LMOD1: variants seen among roughly 807,000 people sequenced by gnomAD.
The protein encoded by LMOD1 is leiomodin 1, also known as leiomodin-1.
LMOD1 carries 8 observed loss-of-function variants against 36.5 expected under a neutral mutation model. The observed-to-expected ratio is 0.22, with a 90% CI of 0.13 to 0.40. The LOEUF (loss-of-function observed/expected upper bound fraction) is 0.40, where lower values mean the gene tolerates loss of function less well. LMOD1 is among the 10% of genes least tolerant of loss of function. The pLI, the probability that LMOD1 is intolerant of heterozygous loss-of-function variation, is 1.00. For missense variants in LMOD1, 630 were observed against 751.1 expected, an observed-to-expected ratio of 0.84 and a Z score of 1.88; for synonymous variants, 284 against 288.7, an observed-to-expected ratio of 0.98 and a Z score of 0.17.
intron 1 of LMOD1, among the ~76,000 whole-genome samples, chr1:201,936,472 C>G (rs562789752): frequency 1.3e-5 from 2 of 152,124 alleles, no homozygotes; most frequent in Admixed American, 6.5e-5. Context: ...TCCAAGGCCT[C>G]GTCTCCTCCA....
At chr1:201,942,191 CAACA>C (rs1682128546) in intron 1 of LMOD1, among the ~76,000 whole-genome samples, 1 of 152,194 alleles carries the variant, frequency 6.6e-6, no homozygotes, top group South Asian at 2.1e-4. Flanking sequence ...AACATTCACT[CAACA>C]AACAGAGGCT....
chr1:201,916,485 A>T (rs1681613849), intron 1 of LMOD1, among the ~76,000 whole-genome samples: 1 of 152,046 alleles, frequency 6.6e-6, no homozygotes, highest in South Asian at 2.1e-4. Flanking sequence ...ACTGCACTCC[A>T]GCCTGAGCAA....
intron 1 of LMOD1, among the ~76,000 whole-genome samples, chr1:201,941,075 T>C (rs1558244539): frequency 1.3e-5 from 2 of 151,032 alleles, no homozygotes; most frequent in Non-Finnish European, 2.9e-5. Flanking sequence ...TTAGTAGAGA[T>C]GGGGTTTCCC....
chr1:201,912,386 C>T (rs887780968), intron 1 of LMOD1, among the ~76,000 whole-genome samples: 2 of 152,130 alleles, frequency 1.3e-5, no homozygotes, highest in Non-Finnish European at 2.9e-5. Flanking sequence ...TCTCCTCCCC[C>T]TCCCCCACAG....
At position 201,900,040 on chromosome 1, in the gene LMOD1, C is replaced by A. The variant is rs780925946; in HGVS notation, c.973G>T (p.Val325Leu). The part of the protein sequence containing the change: ...PSIFDEPLER[V>L]KNNDPEMTEV... ...GTCATCTCGGGGTCATTGTTCTTCA[C>A]TCTCTCCAGAGGCTCATCAAATATG... The change falls in exon 2 of 3, where the codon GTG becomes TTG. Residue 325 changes from valine (V) to leucine (L), a missense_variant. Physicochemically the swap from Val to Leu is conservative, Grantham distance 32. Transcript: ENST00000367288. 4.3e-6 allele frequency: 7 copies of A among 1,613,800 alleles called. No individual in the cohort carries two copies. Among genetic ancestry groups the A allele is most frequent in the Admixed American group, 1.7e-5 (1 of 60,006 alleles).
chr1:201,940,255 C>A (rs1199003286), intron 1 of LMOD1, among the ~76,000 whole-genome samples: 1 of 146,984 alleles, frequency 6.8e-6, no homozygotes, highest in Admixed American at 7.0e-5. Flanking sequence ...GGCACGATCT[C>A]GGCTCACTGC....
chr1:201,930,511 A>C (rs1000184121), intron 1 of LMOD1, among the ~76,000 whole-genome samples: 4 of 152,152 alleles, frequency 2.6e-5, no homozygotes, highest in African/African-American at 9.7e-5. Context: ...TGGTACTTCT[A>C]TTCATCAAAG....
intron 1 of LMOD1, among the ~76,000 whole-genome samples, chr1:201,927,023 A>G (rs1445919676): frequency 6.6e-6 from 1 of 152,178 alleles, no homozygotes; most frequent in African/African-American, 2.4e-5. Flanking sequence ...ATTATTGGCT[A>G]TTTTCCTTTT....
At chr1:201,928,209 A>C (rs994284980) in intron 1 of LMOD1, among the ~76,000 whole-genome samples, 1 of 152,240 alleles carries the variant, frequency 6.6e-6, no homozygotes, top group Admixed American at 6.5e-5. Context: ...CACAGTCTGT[A>C]GTATTTTTTT....
At chr1:201,940,045 C>T (rs1682086995) in intron 1 of LMOD1, among the ~76,000 whole-genome samples, 1 of 152,162 alleles carries the variant, frequency 6.6e-6, no homozygotes, top group Admixed American at 6.5e-5. Flanking sequence ...GCAACCTCCC[C>T]TTGGTTAGTG....
At chr1:201,898,511 T>C (rs1430664990) in intron 2 of LMOD1, 113 bp from the exon 3 acceptor site, 1 of 923,300 alleles carries the variant, frequency 1.1e-6, no homozygotes, top group African/African-American at 1.7e-5. Flanking sequence ...GGAATGTGAA[T>C]GAGGTGTTGA....
At position 201,899,383 on chromosome 1, in the gene LMOD1, G is replaced by A; in HGVS notation, c.1630C>T (p.Pro544Ser). The A allele has an allele frequency of 2.5e-6, 4 of 1,610,862 alleles. No homozygotes were observed. Among genetic ancestry groups the A allele is most frequent in the Non-Finnish European group, 3.4e-6 (4 of 1,177,652 alleles). ...PPPPPPPLAP[P>S]LIMENLKNSL... ...TTCTTCAGGTTCTCCATGATAAGGG[G>A]TGGAGCCAAGGGAGGGGGAGGGGGT... is the stretch of plus-strand genomic sequence containing the variant. Residue 544 changes from proline (P) to serine (S), a missense_variant, in exon 2 of 3, where the codon CCC (proline) becomes TCC (serine). Around this residue, in one of 3 missense-constraint regions of LMOD1, gnomAD observed 144 missense variants for 169.8 expected, o/e 0.85. Transcript: ENST00000367288. The surrounding 1 kb of genome is among the most constrained non-coding windows in gnomAD (Gnocchi z 6.3).
chr1:201,908,605 G>C (rs761229323), intron 1 of LMOD1, among the ~76,000 whole-genome samples: 1 of 152,040 alleles, frequency 6.6e-6, no homozygotes, highest in East Asian at 1.9e-4. Context: ...ATGTTGTGGG[G>C]GTGCTACAGG....
At position 201,900,331 on chromosome 1, in the gene LMOD1, T is replaced by A; in HGVS notation, c.682A>T (p.Arg228Trp). The A allele has an allele frequency of 1.3e-6, 2 of 1,586,414 alleles. No homozygotes were observed. Among genetic ancestry groups the A allele is most frequent in the Non-Finnish European group, 1.7e-6 (2 of 1,165,146 alleles). The part of the protein sequence containing the change: ...EDDEKVKGER[R>W]NTDTRKEGEK... ...CCCTCTTTTCTGGTGTCTGTGTTCC[T>A]ACGCTCCCCTTTTACCTTCTCATCA... is the stretch of plus-strand genomic sequence containing the variant. Residue 228 changes from arginine to tryptophan, a missense_variant, in exon 2 of 3, where the codon AGG becomes TGG. Around this residue, in one of 3 missense-constraint regions of LMOD1, gnomAD observed 405 missense variants for 400.6 expected, o/e 1.01. Transcript: ENST00000367288.
chr1:201,920,045 C>CTT (rs576044641), intron 1 of LMOD1, among the ~76,000 whole-genome samples: 714 of 52,506 alleles, frequency 0.014, 60 homozygotes, highest in African/African-American at 0.036. Flanking sequence ...GGCTCTCTCT[C>CTT]TTTTTTTTTT....
chr1:201,909,599 G>A (rs578237571), intron 1 of LMOD1, among the ~76,000 whole-genome samples: 28 of 152,254 alleles, frequency 1.8e-4, no homozygotes, highest in Non-Finnish European at 2.9e-4. Flanking sequence ...CAGTCCACCT[G>A]AGAAGTCAAG....
At position 201,897,210 on chromosome 1, in the gene LMOD1, C is replaced by T. The variant is rs965876512; in HGVS notation, c.*1162G>A. ...GGTGCTATTCTCCAAATAGTCACTCCACTTCTCTGCCTGCCGCCTTCCTGG... is the reference window on the plus strand; with the variant it reads ...GGTGCTATTCTCCAAATAGTCACTCTACTTCTCTGCCTGCCGCCTTCCTGG... On this transcript the variant is annotated 3_prime_UTR_variant, in exon 3 of 3. Coordinates refer to ENST00000367288, the MANE Select transcript of LMOD1 (RefSeq NM_012134.3). 2 of 183,640 alleles carry T rather than the reference C, an allele frequency of 1.1e-5. No individual in the cohort carries two copies. Among genetic ancestry groups the T allele is most frequent in the Non-Finnish European group, 2.3e-5 (2 of 85,466 alleles). The allele number at this position is 183,640 out of a possible 1,614,324, so 11.4% of individuals were successfully genotyped here. A position where few individuals can be genotyped will look rare whatever the true frequency, so the allele number is the denominator to read the frequency against.
chr1:201,907,892 C>T (rs946602086), intron 1 of LMOD1, among the ~76,000 whole-genome samples: 4 of 152,184 alleles, frequency 2.6e-5, no homozygotes, highest in Admixed American at 6.5e-5. Context: ...ACATGAGAAA[C>T]AGTCTTGCCC....
Position 201,905,906 on chromosome 1 carries a change from G to T in LMOD1, c.262-5155C>A, listed in dbSNP as rs190915898. ...CCCTCACAGGTGATACCACTGCCGT[G>T]AATTCAGAAGTATTTGTTCCTTTCC... is the stretch of plus-strand genomic sequence containing the variant. On this transcript the variant is annotated intron_variant, in intron 1 of 2. Coordinates refer to ENST00000367288, the MANE Select transcript of LMOD1 (RefSeq NM_012134.3). Among the ~76,000 whole-genome samples the T allele has an allele frequency of 3.3e-5, 5 of 152,374 alleles. No individual in the cohort carries two copies. In the East Asian group the frequency reaches 9.6e-4, roughly 29 times the overall value.
Sources: gnomAD v4.1 joint callset for allele counts (sites outside exome capture counted in the v4.1 genomes callset) on GRCh38, gnomAD v4.1.1 for gene constraint, gnomAD v4.1.1 regional missense constraint, Gnocchi (gnomAD v3.1) non-coding constraint, MANE v1.5 for transcripts, NCBI Gene and HGNC (gene_info 2026-07-23, HGNC 2026-07-21) for gene names.